SEMA3A: variants seen among roughly 807,000 people sequenced by gnomAD.
SEMA3A encodes the protein semaphorin 3A, also known as semaphorin-3A.
SEMA3A carries 29 observed loss-of-function variants against 97.9 expected under a neutral mutation model. The ratio of observed to expected loss-of-function variants is 0.30; its 90% confidence interval spans 0.22 to 0.40. The LOEUF is 0.40. Ranked by LOEUF, SEMA3A falls within the 10% of genes least tolerant of loss-of-function variation. The pLI is 1.00. For missense variants in SEMA3A, 763 were observed against 951.3 expected (o/e 0.80, Z 2.60); for synonymous variants, 321 against 323.7 (o/e 0.99, Z 0.09).
At chr7:84,469,988 A>G (rs1319515232) in intron 1 of SEMA3A, among the ~76,000 whole-genome samples, 1 of 151,758 alleles carries the variant, frequency 6.6e-6, no homozygotes, top group Non-Finnish European at 1.5e-5. Flanking sequence ...ATTGTTAATG[A>G]AATAAAAAGG....
rs527649336 is a variant in SEMA3A at position 83,981,234 on chromosome 7, T to C, written c.1652+87A>G. On this transcript the variant is annotated intron_variant, in intron 14 of 16. Transcript: ENST00000265362. ...CTTTTTATTCATTAGAAAAAGTTGA[T>C]GCACTTATTTGAAGAAAGCTATTTC... is the stretch of plus-strand genomic sequence containing the variant. 2.9e-4 allele frequency: 404 copies of C among 1,416,342 alleles called. 3 individuals are homozygous for C. The South Asian group carries it at 4.7e-3, about 17-fold the overall frequency. 87.7% of individuals were successfully genotyped at this position (1,416,342 alleles called of 1,614,324 possible).
intron 16 of SEMA3A, among the ~76,000 whole-genome samples, chr7:83,962,057 G>T (rs530966977): frequency 1.3e-5 from 2 of 151,950 alleles, no homozygotes; most frequent in East Asian, 1.9e-4. Context: ...TGTTTTAATA[G>T]AATTTCTTAT....
At chr7:84,116,585 G>A (rs1438007036) in intron 3 of SEMA3A, among the ~76,000 whole-genome samples, 4 of 152,084 alleles carry the variant, frequency 2.6e-5, no homozygotes, top group Admixed American at 2.0e-4. Flanking sequence ...GGGGATTAGG[G>A]TCTTTAAGAA....
intron 1 of SEMA3A, among the ~76,000 whole-genome samples, chr7:84,429,881 C>T (rs903051513): frequency 6.6e-6 from 1 of 151,634 alleles, no homozygotes; most frequent in Non-Finnish European, 1.5e-5. Context: ...CCTTTCCTTC[C>T]GATGGCATCT....
intron 1 of SEMA3A, among the ~76,000 whole-genome samples, chr7:84,406,313 T>A (rs544305702): frequency 6.6e-6 from 1 of 152,230 alleles, no homozygotes; most frequent in South Asian, 2.1e-4. Context: ...AATGGATAAA[T>A]TCCTTGACAC....
chr7:84,170,431 A>C (rs1004302104), intron 1 of SEMA3A, among the ~76,000 whole-genome samples: 11 of 151,794 alleles, frequency 7.2e-5, no homozygotes, highest in Non-Finnish European at 1.2e-4. Context: ...TATGCTAATA[A>C]CTCTACACTT....
intron 12 of SEMA3A, among the ~76,000 whole-genome samples, chr7:83,994,990 C>T (rs574757537): frequency 5.2e-4 from 79 of 152,176 alleles, no homozygotes; most frequent in African/African-American, 1.7e-3. Context: ...CAGGACCCTC[C>T]GAGCCATGTG....
At chr7:84,468,583 A>T (rs1056607082) in intron 1 of SEMA3A, among the ~76,000 whole-genome samples, 2 of 152,112 alleles carry the variant, frequency 1.3e-5, no homozygotes, top group African/African-American at 4.8e-5. Flanking sequence ...ATGGTTTTTG[A>T]TATCTGTAAC....
chr7:84,388,923 A>ACT (rs1368193582), intron 1 of SEMA3A, among the ~76,000 whole-genome samples: 1 of 152,060 alleles, frequency 6.6e-6, no homozygotes, highest in African/African-American at 2.4e-5. Context: ...ATGACATTTA[A>ACT]TTGGAATACT....
At chr7:84,074,570 A>G (rs1272014042) in intron 4 of SEMA3A, among the ~76,000 whole-genome samples, 2 of 152,148 alleles carry the variant, frequency 1.3e-5, no homozygotes, top group African/African-American at 4.8e-5. Flanking sequence ...ATTCCTGCAA[A>G]TAAGGTACTA....
Position 84,295,306 on chromosome 7 carries a change from A to AT in SEMA3A, c.-83+11900dup, listed in dbSNP as rs941333672. Among the ~76,000 whole-genome samples, 290 of 149,624 alleles carry AT rather than the reference A, an allele frequency of 1.9e-3. 5 individuals carry two copies. In the East Asian group the frequency reaches 0.041, roughly 21 times the overall value. ...TTAAATGAGTGACATTAGATTCATT[A>AT]TTTTTTTTTTATATCCTTGCATTAA... On this transcript the variant is annotated intron_variant, in intron 3 of 3. Coordinates refer to the SEMA3A transcript ENST00000424555.
rs181615699 is a variant in SEMA3A, at chr7:84,080,329, G to A, written c.454-19771C>T. On this transcript the variant is annotated intron_variant, in intron 4 of 16. Coordinates refer to ENST00000265362, the MANE Select transcript of SEMA3A (RefSeq NM_006080.3). Reference sequence around the variant, plus strand: ...TAACAAACCTGCACATTGTGCACATGTGCCCTAAAACTTAAAGTATAATAA... The same window carrying A: ...TAACAAACCTGCACATTGTGCACATATGCCCTAAAACTTAAAGTATAATAA... 6.1e-3 allele frequency among the ~76,000 whole-genome samples: 921 copies of A among 151,622 alleles called. 11 individuals are homozygous for A. Among genetic ancestry groups the A allele is most frequent in the African/African-American group, 0.021 (867 of 41,234 alleles).
At chr7:84,397,872 G>A (rs889656593) in intron 1 of SEMA3A, among the ~76,000 whole-genome samples, 4 of 152,092 alleles carry the variant, frequency 2.6e-5, no homozygotes, top group African/African-American at 9.7e-5. Context: ...TTCTGGGAGA[G>A]TGACAAATAG....
intron 3 of SEMA3A, among the ~76,000 whole-genome samples, chr7:84,206,660 T>G (rs551810533): frequency 8.7e-4 from 133 of 152,016 alleles, no homozygotes; most frequent in Non-Finnish European, 1.7e-3. Context: ...AATTTACATT[T>G]ATTGATTGCT....
At chr7:84,361,745 A>G (rs963040461) in intron 2 of SEMA3A, among the ~76,000 whole-genome samples, 2 of 152,046 alleles carry the variant, frequency 1.3e-5, no homozygotes, top group African/African-American at 4.8e-5. Flanking sequence ...GCTAATTCAT[A>G]TAAATACTAA....
intron 3 of SEMA3A, among the ~76,000 whole-genome samples, chr7:84,256,251 A>G (rs1799717305): frequency 6.6e-6 from 1 of 152,094 alleles, no homozygotes; most frequent in South Asian, 2.1e-4. Flanking sequence ...AAGTGAATGT[A>G]GTACCTATAG....
At chr7:84,310,059 C>G (rs1562896943) in intron 2 of SEMA3A, among the ~76,000 whole-genome samples, 3 of 151,980 alleles carry the variant, frequency 2.0e-5, no homozygotes, top group Admixed American at 6.6e-5. Context: ...CATACATAAG[C>G]TACGTTAAGT....
intron 4 of SEMA3A, among the ~76,000 whole-genome samples, chr7:84,064,204 C>G (rs936511168): frequency 6.6e-5 from 10 of 151,988 alleles, no homozygotes; most frequent in African/African-American, 2.4e-4. Context: ...AAATACTTTA[C>G]AGACAAGCAA....
At chr7:84,139,223 C>A (rs1337667186) in intron 1 of SEMA3A, among the ~76,000 whole-genome samples, 2 of 152,014 alleles carry the variant, frequency 1.3e-5, no homozygotes, top group Non-Finnish European at 2.9e-5. Flanking sequence ...TTTTAAAAAA[C>A]AAGCTAAGTT....
Sources: allele counts gnomAD v4.1 joint callset (sites outside exome capture counted in the v4.1 genomes callset), GRCh38; gene constraint gnomAD v4.1.1; transcripts MANE v1.5; gene names NCBI Gene and HGNC (gene_info 2026-07-23, HGNC 2026-07-21).